The following ASTN2 variants were observed in gnomAD, a reference collection of about 807,000 sequenced individuals.
ASTN2 encodes astrotactin 2, also known as astrotactin-2.
Under a neutral mutation model 139.8 loss-of-function variants are expected in ASTN2, and 54 were observed. That is an observed-to-expected ratio of 0.39 (90% CI 0.31 to 0.48). The LOEUF is 0.48. Ranked by LOEUF, ASTN2 falls within the 20% of genes least tolerant of loss-of-function variation. The probability of loss-of-function intolerance (pLI) is 0.95; values close to 1 mark genes in which losing one functional copy is unlikely to be tolerated. For synonymous variants in ASTN2, 756 were observed against 719.5 expected (o/e 1.05, Z -0.81); for missense variants, 1,565 against 1,725.1 (o/e 0.91, Z 1.64).
chr9:117,109,455 T>G (rs1302316189), intron 4 of ASTN2, among the ~76,000 whole-genome samples: 2 of 152,198 alleles, frequency 1.3e-5, no homozygotes, highest in Non-Finnish European at 2.9e-5. Flanking sequence ...TCTCTGGTTC[T>G]GAAAACATCT....
At chr9:117,276,176 T>A (rs932345778) in intron 2 of ASTN2, among the ~76,000 whole-genome samples, 1 of 152,212 alleles carries the variant, frequency 6.6e-6, no homozygotes, top group Non-Finnish European at 1.5e-5. Context: ...GTACTTAACA[T>A]GGATGCTTCC....
At chr9:117,390,731 G>C (rs1203695315) in intron 1 of ASTN2, among the ~76,000 whole-genome samples, 1 of 152,078 alleles carries the variant, frequency 6.6e-6, no homozygotes, top group Non-Finnish European at 1.5e-5. Flanking sequence ...ATGTACTCCA[G>C]TTTGTTTATC....
chr9:116,981,023 C>A (rs1255970233), intron 7 of ASTN2, among the ~76,000 whole-genome samples: 3 of 152,108 alleles, frequency 2.0e-5, no homozygotes, highest in African/African-American at 7.2e-5. Context: ...CCTTGCTCAC[C>A]ACTGCATCTC....
In ASTN2 at chr9:117,242,530, A is replaced by C. The variant is rs534746716; in HGVS notation, c.631-27788T>G. Among the ~76,000 whole-genome samples, 111 of 152,328 alleles carry C rather than the reference A, an allele frequency of 7.3e-4. 1 individual carries two copies. The highest frequency in any genetic ancestry group is 1.3e-3 in the Non-Finnish European group (90 of 68,038). ...TGTTAGAAGAGAAAAGCATAATAGTATAACTATCACACCCTCTGCATAATA... is the reference window on the plus strand; with the variant it reads ...TGTTAGAAGAGAAAAGCATAATAGTCTAACTATCACACCCTCTGCATAATA... On this transcript the variant is annotated intron_variant, in intron 2 of 22. Transcript: ENST00000313400.
intron 17 of ASTN2, 111 bp from the exon 18 acceptor site, chr9:116,620,554 T>G: frequency 7.3e-7 from 1 of 1,364,732 alleles, no homozygotes; most frequent in Non-Finnish European, 1.0e-6. Flanking sequence ...AGTAGCCCCT[T>G]TAAGCACAAG....
At chr9:116,543,586 C>G (rs1851967602) in intron 19 of ASTN2, 1 of 152,196 alleles carries the variant, frequency 6.6e-6, no homozygotes, top group East Asian at 1.9e-4. Context: ...TGTGCCATAT[C>G]CTGTGTTGTT....
chr9:116,978,768 A>T (rs905491295), intron 7 of ASTN2, among the ~76,000 whole-genome samples: 2 of 151,390 alleles, frequency 1.3e-5, no homozygotes, highest in Non-Finnish European at 2.9e-5. Context: ...TGCCAGATAA[A>T]CTTATTTTAT....
chr9:116,892,645 A>G (rs530182442), intron 10 of ASTN2, among the ~76,000 whole-genome samples: 11 of 152,206 alleles, frequency 7.2e-5, no homozygotes, highest in South Asian at 4.2e-4. Flanking sequence ...TTTGGACAAC[A>G]TCGAAAAGTA....
intron 16 of ASTN2, among the ~76,000 whole-genome samples, chr9:116,665,620 G>C (rs1378884789): frequency 6.6e-6 from 1 of 152,074 alleles, no homozygotes; most frequent in African/African-American, 2.4e-5. Flanking sequence ...TCCAAGTCTG[G>C]AACAAGTATG....
Position 117,312,597 on chromosome 9 carries a change from G to A in ASTN2, c.443-21084C>T, listed in dbSNP as rs1031077268. Among the ~76,000 whole-genome samples the A allele has an allele frequency of 5.9e-5, 9 of 152,292 alleles. No individual in the cohort carries two copies. The South Asian group carries it at 6.2e-4, about 11-fold the overall frequency. ...AATTAAAAATCAGAAGCAAAAGACA[G>A]AATGCAGACATGGTCAAAATGATAA... is the stretch of plus-strand genomic sequence containing the variant. On this transcript the variant is annotated intron_variant, in intron 1 of 22. Transcript: ENST00000313400.
At chr9:116,707,285 C>CAAAAAAAAA (rs766053427) in intron 16 of ASTN2, among the ~76,000 whole-genome samples, 2 of 60,636 alleles carry the variant, frequency 3.3e-5, no homozygotes, top group East Asian at 5.3e-4. Context: ...GCCCCCTGAC[C>CAAAAAAAAA]AAAAAAAAAA....
intron 1 of ASTN2, among the ~76,000 whole-genome samples, chr9:117,397,836 G>C (rs1004813279): frequency 6.6e-6 from 1 of 152,154 alleles, no homozygotes; most frequent in Admixed American, 6.5e-5. Flanking sequence ...CCACACAAAT[G>C]AGAAGTTTAA....
intron 3 of ASTN2, among the ~76,000 whole-genome samples, chr9:117,153,387 T>G (rs1830365349): frequency 6.6e-6 from 1 of 152,100 alleles, no homozygotes; most frequent in East Asian, 1.9e-4. Context: ...CTATCCTCCT[T>G]TCTATCCTCA....
chr9:117,315,777 G>C (rs1212212503), intron 1 of ASTN2, among the ~76,000 whole-genome samples: 1 of 152,150 alleles, frequency 6.6e-6, no homozygotes, highest in African/African-American at 2.4e-5. Flanking sequence ...TTGCCTGAAG[G>C]TCTTTTTAAT....
At chr9:116,838,201 C>T (rs1346740107) in intron 11 of ASTN2, among the ~76,000 whole-genome samples, 1 of 151,312 alleles carries the variant, frequency 6.6e-6, no homozygotes, top group Non-Finnish European at 1.5e-5. Context: ...GCTCTGCCTC[C>T]CAGGTTCACG....
chr9:116,856,438 C>G (rs1253877198), intron 11 of ASTN2, among the ~76,000 whole-genome samples: 2 of 152,202 alleles, frequency 1.3e-5, no homozygotes, highest in East Asian at 3.9e-4. Context: ...GGTGATTTCT[C>G]ACTCTGCTGA....
chr9:116,457,108 A>G (rs545307910), intron 20 of ASTN2, among the ~76,000 whole-genome samples: 2 of 152,302 alleles, frequency 1.3e-5, no homozygotes, highest in South Asian at 2.1e-4. Context: ...GGGAAGGAAC[A>G]GTCTCTTCAG....
At chr9:116,859,662 T>A (rs1647884188) in intron 11 of ASTN2, among the ~76,000 whole-genome samples, 6 of 152,086 alleles carry the variant, frequency 3.9e-5, no homozygotes, top group Admixed American at 1.3e-4. Context: ...CTAAAAGGGG[T>A]CCCATCCTCT....
At chr9:116,737,919 G>A (rs566144647) in intron 13 of ASTN2, among the ~76,000 whole-genome samples, 27 of 152,254 alleles carry the variant, frequency 1.8e-4, no homozygotes, top group Admixed American at 1.2e-3. Flanking sequence ...TTGGCCGGGC[G>A]CGGTGGCTCA....
Sources: gnomAD v4.1 joint callset for allele counts (sites outside exome capture counted in the v4.1 genomes callset) on GRCh38, gnomAD v4.1.1 for gene constraint, MANE v1.5 for transcripts, NCBI Gene and HGNC (gene_info 2026-07-23, HGNC 2026-07-21) for gene names.